Variants in PHKB observed in about 807,000 individuals in gnomAD.
The protein encoded by PHKB is phosphorylase kinase regulatory subunit beta.
In PHKB, 122 loss-of-function variants were observed where a neutral mutation model predicts 152.1. That is an observed-to-expected ratio of 0.80 (90% CI 0.69 to 0.93). The LOEUF (loss-of-function observed/expected upper bound fraction) is 0.93, where lower values mean the gene tolerates loss of function less well. Ranked by LOEUF, PHKB falls within the 40% of genes least tolerant of loss-of-function variation. The pLI is 0.00. For missense variants in PHKB, 1,304 were observed against 1,328.4 expected (o/e 0.98, Z 0.29); for synonymous variants, 436 against 464.9 (o/e 0.94, Z 0.80).
At chr16:47,516,735 C>A (rs756641681) in intron 6 of PHKB, among the ~76,000 whole-genome samples, 24 of 151,938 alleles carry the variant, frequency 1.6e-4, no homozygotes, top group Non-Finnish European at 3.1e-4. Context: ...AGTTTATAGT[C>A]TCATACAATA....
intron 23 of PHKB, among the ~76,000 whole-genome samples, chr16:47,662,601 CTTA>C (rs1973463678): frequency 6.6e-6 from 1 of 152,014 alleles, no homozygotes; most frequent in South Asian, 2.1e-4. Flanking sequence ...TAGTTTTTGC[CTTA>C]TTATAGCTAA....
chr16:47,661,871 A>C (rs1433170072), intron 23 of PHKB, 71 bp downstream of exon 23: 4 of 918,170 alleles, frequency 4.4e-6, no homozygotes, highest in Non-Finnish European at 7.3e-6. Flanking sequence ...AAATATGCAT[A>C]AGCTATCCAC....
intron 7 of PHKB, among the ~76,000 whole-genome samples, chr16:47,552,966 AT>A (rs1971300757): frequency 1.3e-5 from 2 of 151,774 alleles, no homozygotes; most frequent in South Asian, 4.2e-4. Flanking sequence ...TGCCCTTAAC[AT>A]TTTTTCCTTC....
chr16:47,610,862 T>A lies in PHKB; in HGVS notation c.1400T>A (p.Val467Asp). 6.2e-7 allele frequency: 1 copy of A among 1,609,348 alleles called. No individual in the cohort carries two copies. The highest frequency in any genetic ancestry group is 8.5e-7 in the Non-Finnish European group (1 of 1,175,650). The change falls in exon 14 of 31, where the codon GTC becomes GAC. Residue 467 changes from valine to aspartate, a missense_variant. Transcript: ENST00000323584. ...ATTAGTCCTAAAGACATTGATCCTG[T>A]CCAGCGCTATGTCCCACTAAAGGAT... Reference protein sequence around the residue: ...ELISPKDIDPVQRYVPLKDQR... With the variant: ...ELISPKDIDPDQRYVPLKDQR...
intron 1 of PHKB, among the ~76,000 whole-genome samples, chr16:47,476,141 A>C (rs1969864445): frequency 6.6e-6 from 1 of 152,020 alleles, no homozygotes; most frequent in Non-Finnish European, 1.5e-5. Flanking sequence ...AAGTGCTGGG[A>C]TTATATGAGT....
intron 13 of PHKB, among the ~76,000 whole-genome samples, chr16:47,600,148 A>G (rs888551406): frequency 2.6e-5 from 4 of 152,200 alleles, no homozygotes; most frequent in African/African-American, 4.8e-5. Context: ...TGCTTTATGT[A>G]TGCCTAAGTA....
intron 14 of PHKB, among the ~76,000 whole-genome samples, chr16:47,632,854 G>T (rs1192503690): frequency 6.6e-6 from 1 of 152,146 alleles, no homozygotes; most frequent in East Asian, 1.9e-4. Flanking sequence ...GACCTGATTT[G>T]AGTAATTTAA....
chr16:47,489,003 G>A (rs1377249229), intron 1 of PHKB, among the ~76,000 whole-genome samples: 2 of 152,098 alleles, frequency 1.3e-5, no homozygotes, highest in Non-Finnish European at 2.9e-5. Context: ...AGTTTGATAG[G>A]AGTATCATTG....
At position 47,649,190 on chromosome 16, in the gene PHKB, A is replaced by G; in HGVS notation, c.1783A>G (p.Ile595Val). ...CATGTCTCAGGATGTTTTCCTGCTGATAGATGACATAAAGGTAGCTTCGGA... is the reference window on the plus strand; with the variant it reads ...CATGTCTCAGGATGTTTTCCTGCTGGTAGATGACATAAAGGTAGCTTCGGA... Reference protein sequence around the residue: ...FYMSQDVFLLIDDIKNALQFI... With the variant: ...FYMSQDVFLLVDDIKNALQFI... Residue 595 changes from isoleucine (I) to valine (V), a missense_variant, in exon 18 of 31, where the codon ATA (isoleucine) becomes GTA (valine). Physicochemically the swap from Ile to Val is conservative, Grantham distance 29. Transcript: ENST00000323584. 6.3e-7 allele frequency: 1 copy of G among 1,576,978 alleles called. No individual in the cohort carries two copies. The highest frequency in any genetic ancestry group is 1.7e-4 in the Middle Eastern group (1 of 6,006).
intron 4 of PHKB, among the ~76,000 whole-genome samples, chr16:47,508,466 C>T (rs1970457042): frequency 6.6e-6 from 1 of 152,016 alleles, no homozygotes; most frequent in Non-Finnish European, 1.5e-5. Context: ...ATGCTAGTTT[C>T]TAATTAATGA....
chr16:47,506,608 C>G (rs890709825), intron 4 of PHKB, among the ~76,000 whole-genome samples: 3 of 152,144 alleles, frequency 2.0e-5, no homozygotes, highest in Admixed American at 1.3e-4. Context: ...ACTTTTCTCT[C>G]TAGGACACAT....
intron 1 of PHKB, among the ~76,000 whole-genome samples, chr16:47,471,668 C>T (rs1242837217): frequency 6.6e-6 from 1 of 152,156 alleles, no homozygotes; most frequent in Non-Finnish European, 1.5e-5. Context: ...ATCTCTGACT[C>T]AGTAAACTCA....
At chr16:47,623,797 A>T (rs1972661192) in intron 14 of PHKB, among the ~76,000 whole-genome samples, 3 of 151,980 alleles carry the variant, frequency 2.0e-5, no homozygotes, top group African/African-American at 7.2e-5. Flanking sequence ...ATCTCAAGTG[A>T]TCCACCCGCC....
At chr16:47,563,634 A>T (rs993317715) in intron 7 of PHKB, among the ~76,000 whole-genome samples, 1 of 151,780 alleles carries the variant, frequency 6.6e-6, no homozygotes, top group African/African-American at 2.4e-5. Context: ...TAATATTTGA[A>T]CCCTACTTTC....
At chr16:47,472,019 G>C (rs1454827205) in intron 1 of PHKB, among the ~76,000 whole-genome samples, 1 of 152,146 alleles carries the variant, frequency 6.6e-6, no homozygotes, top group Non-Finnish European at 1.5e-5. Context: ...TTGCACCACT[G>C]CACTCCAGCC....
At chr16:47,546,230 C>T (rs1971161725) in intron 6 of PHKB, among the ~76,000 whole-genome samples, 1 of 152,162 alleles carries the variant, frequency 6.6e-6, no homozygotes, top group African/African-American at 2.4e-5. Context: ...TGTGGCTTTA[C>T]CTACCTTTGG....
At chr16:47,503,569 G>A (rs1240632171) in intron 4 of PHKB, among the ~76,000 whole-genome samples, 1 of 152,108 alleles carries the variant, frequency 6.6e-6, no homozygotes, top group East Asian at 1.9e-4. Context: ...AGTGGCTCAC[G>A]CCTGTAATCC....
intron 1 of PHKB, 77 bp from the exon 2 acceptor site, chr16:47,497,322 T>G: frequency 1.1e-6 from 1 of 891,582 alleles, no homozygotes; most frequent in South Asian, 1.4e-5. Flanking sequence ...GCACTGCTTC[T>G]TCATTTGTTT....
Position 47,497,435 on chromosome 16 carries a change from C to G in PHKB, c.113C>G (p.Pro38Arg), listed in dbSNP as rs1250762046. 3 of 1,608,834 alleles carry G rather than the reference C, an allele frequency of 1.9e-6. No homozygotes were observed. In the Admixed American group the frequency reaches 5.0e-5, roughly 27 times the overall value. The part of the protein sequence containing the change: ...VYEPLKSINL[P>R]RPDNETLWDK... Reference sequence around the variant, plus strand: ...GAACCTCTTAAAAGCATTAATCTTCCAAGACCTGATAATGAAACTCTCTGG... The same window carrying G: ...GAACCTCTTAAAAGCATTAATCTTCGAAGACCTGATAATGAAACTCTCTGG... The change falls in exon 2 of 31, where the codon CCA becomes CGA. Residue 38 changes from proline (P) to arginine (R), a missense_variant. Physicochemically the swap from Pro to Arg is moderately radical, Grantham distance 103 (BLOSUM62 -2). Coordinates refer to ENST00000323584, the MANE Select transcript of PHKB (RefSeq NM_000293.3).
Sources: allele counts gnomAD v4.1 joint callset (sites outside exome capture counted in the v4.1 genomes callset), GRCh38; gene constraint gnomAD v4.1.1; transcripts MANE v1.5; gene names NCBI Gene and HGNC (gene_info 2026-07-23, HGNC 2026-07-21).